Variants in SCUBE1 observed in about 807,000 individuals in gnomAD.
SCUBE1 encodes the protein signal peptide, CUB domain and EGF like domain containing 1.
A neutral mutation model predicts 124.4 loss-of-function variants in SCUBE1; 59 were observed. The observed-to-expected ratio is 0.47, with a 90% CI of 0.38 to 0.59. The LOEUF is 0.59. Among genes scored for constraint, SCUBE1 ranks in the 20% least tolerant of loss-of-function variants. The pLI is 0.00. For missense variants in SCUBE1, 1,150 were observed against 1,371.2 expected, an observed-to-expected ratio of 0.84 and a Z score of 2.55; for synonymous variants, 545 against 550.9, an observed-to-expected ratio of 0.99 and a Z score of 0.15.
At chr22:43,241,714 C>G (rs1923013826) in intron 6 of SCUBE1, among the ~76,000 whole-genome samples, 1 of 152,244 alleles carries the variant, frequency 6.6e-6, no homozygotes, top group Non-Finnish European at 1.5e-5. Context: ...AGCCCCTGCT[C>G]TTACTGTGGC....
chr22:43,287,848 G>A (rs1925204935), intron 4 of SCUBE1, among the ~76,000 whole-genome samples: 1 of 152,180 alleles, frequency 6.6e-6, no homozygotes, highest in Non-Finnish European at 1.5e-5. Flanking sequence ...GATTGCAGTT[G>A]ACACTAATGG....
chr22:43,221,392 T>A, intron 12 of SCUBE1, 103 bp from the exon 13 acceptor site: 1 of 555,098 alleles, frequency 1.8e-6, no homozygotes, highest in Admixed American at 2.6e-5. Flanking sequence ...GAGCTGGGGG[T>A]GGGGCTTGAT....
In SCUBE1 at chr22:43,291,092, G is replaced by A; in HGVS notation, c.438C>T (p.Gly146=). The change falls in exon 4 of 22, where the codon GGC becomes GGT. Residue 146 remains glycine (G), a synonymous_variant. Coordinates refer to ENST00000360835, the MANE Select transcript of SCUBE1 (RefSeq NM_173050.5). ...MGSYECQCHS[G]FFLSDNQHTC... ...TATGCTGGTTGTCACTAAGGAAGAA[G>A]CCACTGTGGCACTGACACTCGTAGC... The A allele has an allele frequency of 6.2e-7, 1 of 1,613,594 alleles. No individual in the cohort carries two copies. The highest frequency in any genetic ancestry group is 8.5e-7 in the Non-Finnish European group (1 of 1,179,694).
chr22:43,212,729 G>A lies in SCUBE1; in HGVS notation c.2054-137C>T, dbSNP rs975849513. The A allele has an allele frequency of 3.5e-5, 29 of 834,998 alleles. No homozygotes were observed. In the East Asian group the frequency reaches 4.7e-4, roughly 14 times the overall value. The allele number at this position is 834,998 out of a possible 1,614,324, so 51.7% of individuals were successfully genotyped here. ...GGCACCCGAGGCCTGGGGTGGGGAC[G>A]GGGTGGGGAAAACGCAGCAGCCGGG... On this transcript the variant is annotated intron_variant, in intron 16 of 21. Coordinates refer to ENST00000360835, the MANE Select transcript of SCUBE1 (RefSeq NM_173050.5).
chr22:43,324,935 C>G (rs1325721640), intron 2 of SCUBE1, among the ~76,000 whole-genome samples: 1 of 148,392 alleles, frequency 6.7e-6, no homozygotes, highest in Admixed American at 6.8e-5. Context: ...CAGATGTAAT[C>G]AAGTTCAGAT....
Position 43,211,074 on chromosome 22 carries a change from G to A in SCUBE1, c.2231C>T (p.Ser744Phe), listed in dbSNP as rs1921529727. The stretch of plus-strand genomic sequence containing the variant: ...GGTGGTGTTGTAGTGGTGGCCGGGG[G>A]AGCAGTGCACTGCCGGGGGACACAA... ...FQDCEAKVHC[S>F]PGHHYNTTTH... The change falls in exon 18 of 22, where the codon TCC becomes TTC. Residue 744 changes from serine to phenylalanine, a missense_variant. Around this residue, in one of 3 missense-constraint regions of SCUBE1, gnomAD observed 757 missense variants for 840.9 expected, o/e 0.90. Coordinates refer to ENST00000360835, the MANE Select transcript of SCUBE1 (RefSeq NM_173050.5). The surrounding 1 kb of genome is among the most constrained non-coding windows in gnomAD (Gnocchi z 4.5). 3.1e-6 allele frequency: 5 copies of A among 1,611,164 alleles called. No individual in the cohort carries two copies. Among genetic ancestry groups the A allele is most frequent in the African/African-American group, 2.7e-5 (2 of 74,906 alleles).
rs36095396 is a variant in SCUBE1 at position 43,211,750 on chromosome 22, C to T, written c.2222-667G>A. Among the ~76,000 whole-genome samples the T allele has an allele frequency of 0.076, 11,512 of 152,150 alleles. 798 individuals carry two copies. Among genetic ancestry groups the T allele is most frequent in the African/African-American group, 0.18 (7,280 of 41,442 alleles). On this transcript the variant is annotated intron_variant, in intron 17 of 21. Coordinates refer to ENST00000360835, the MANE Select transcript of SCUBE1 (RefSeq NM_173050.5). The surrounding 1 kb of genome is among the most constrained non-coding windows in gnomAD (Gnocchi z 4.5). ...TGCTAGCCGGGCTGGCCTCAAACTT[C>T]TGACCTCAGGTGATCCACCCCCTTT...
intron 4 of SCUBE1, among the ~76,000 whole-genome samples, chr22:43,268,799 G>A (rs1225700635): frequency 6.6e-6 from 1 of 152,224 alleles, no homozygotes; most frequent in Non-Finnish European, 1.5e-5. Context: ...AGCCAGAGGG[G>A]AGTTGTCAAT....
intron 4 of SCUBE1, chr22:43,276,033 G>C (rs945224649): frequency 1.3e-5 from 2 of 152,492 alleles, no homozygotes; most frequent in Admixed American, 6.5e-5. Context: ...TCGGACGTGG[G>C]ATCCGGTCAC....
At chr22:43,291,495 G>GTACA in intron 3 of SCUBE1, among the ~76,000 whole-genome samples, 1 of 151,764 alleles carries the variant, frequency 6.6e-6, no homozygotes, top group Non-Finnish European at 1.5e-5. Context: ...TGGTACAGTG[G>GTACA]GTCTCCATTT....
chr22:43,300,216 C>T (rs1017502453), intron 3 of SCUBE1, among the ~76,000 whole-genome samples: 2 of 151,972 alleles, frequency 1.3e-5, no homozygotes. Context: ...CCACGGGCGA[C>T]ACCGTTTTAC....
intron 4 of SCUBE1, among the ~76,000 whole-genome samples, chr22:43,276,928 T>C (rs1021507999): frequency 3.3e-5 from 5 of 152,194 alleles, no homozygotes; most frequent in Non-Finnish European, 5.9e-5. Context: ...CGCCTCAGCT[T>C]TTCCTGACTG....
chr22:43,250,977 C>G (rs1923423109), intron 6 of SCUBE1, among the ~76,000 whole-genome samples: 1 of 152,262 alleles, frequency 6.6e-6, no homozygotes. Flanking sequence ...GCTTTGCTCA[C>G]TGGCTATGTG....
rs1185457292 is a variant in SCUBE1 at position 43,201,451 on chromosome 22, G to GC, written c.*2545dup. On this transcript the variant is annotated 3_prime_UTR_variant, in exon 22 of 22. Coordinates refer to ENST00000360835, the MANE Select transcript of SCUBE1 (RefSeq NM_173050.5). ...GATACCCAGCTAGCTGGGAAAACAT[G>GC]CTAGGGTGTTTCCAGAAGAGGTTAG... 6.6e-6 allele frequency: 1 copy of GC among 152,152 alleles called. No individual in the cohort carries two copies. The highest frequency in any genetic ancestry group is 1.5e-5 in the Non-Finnish European group (1 of 68,062). The allele number at this position is 152,152 out of a possible 1,614,324, so 9.4% of individuals were successfully genotyped here. A position where few individuals can be genotyped will look rare whatever the true frequency, so the allele number is the denominator to read the frequency against.
chr22:43,227,645 A>G lies in SCUBE1; in HGVS notation c.1085-149T>C, dbSNP rs61446130. ...GATGCAGATGAGCAGTGCACACGCC[A>G]CACGCACACACACGCGTGGGTTTAT... On this transcript the variant is annotated intron_variant, in intron 9 of 21. Transcript: ENST00000360835. 2.5e-4 allele frequency: 230 copies of G among 911,234 alleles called. No homozygotes were observed. The African/African-American group carries it at 3.6e-3, about 14-fold the overall frequency. 56.4% of individuals were successfully genotyped at this position (911,234 alleles called of 1,614,324 possible). A position where few individuals can be genotyped will look rare whatever the true frequency, so the allele number is the denominator to read the frequency against.
rs370122689 is a variant in SCUBE1 at position 43,223,196 on chromosome 22, G to A, written c.1228C>T (p.Arg410Cys). 12 of 1,571,660 alleles carry A rather than the reference G, an allele frequency of 7.6e-6. No individual in the cohort carries two copies. Among genetic ancestry groups the A allele is most frequent in the African/African-American group, 4.2e-5 (3 of 72,082 alleles). Reference sequence around the variant, plus strand: ...TGGGCCCGGGGGGAGGTCTTGGCGCGAGAAAGACACTTGCCTGTCTCTATG... The same window carrying A: ...TGGGCCCGGGGGGAGGTCTTGGCGCAAGAAAGACACTTGCCTGTCTCTATG... Reference protein sequence around the residue: ...DCVETGKCLSRAKTSPRAQLS... With the variant: ...DCVETGKCLSCAKTSPRAQLS... Residue 410 changes from arginine (R) to cysteine (C), a missense_variant, in exon 11 of 22, where the codon CGC becomes TGC. This residue lies in a region of SCUBE1 where 757 missense variants were observed against 840.9 expected (regional missense o/e 0.90). Transcript: ENST00000360835.
intron 6 of SCUBE1, among the ~76,000 whole-genome samples, chr22:43,241,923 G>A (rs1923021152): frequency 6.6e-6 from 1 of 152,256 alleles, no homozygotes; most frequent in Non-Finnish European, 1.5e-5. Flanking sequence ...GTCTGGCCTT[G>A]GGCCCGCCCT....
At chr22:43,205,684 CTCA>C in intron 21 of SCUBE1, among the ~76,000 whole-genome samples, 6 of 129,698 alleles carry the variant, frequency 4.6e-5, no homozygotes, top group East Asian at 2.2e-4. Context: ...TCACCACTCA[CTCA>C]CCCCCACACA....
intron 2 of SCUBE1, among the ~76,000 whole-genome samples, chr22:43,321,321 C>T (rs1272034037): frequency 6.6e-6 from 1 of 152,328 alleles, no homozygotes; most frequent in East Asian, 1.9e-4. Context: ...CGCAGGGAGA[C>T]ACGGAACTCC....
Sources: allele counts gnomAD v4.1 joint callset (sites outside exome capture counted in the v4.1 genomes callset), GRCh38; gene constraint gnomAD v4.1.1; regional missense constraint gnomAD v4.1.1; non-coding constraint Gnocchi (gnomAD v3.1); transcripts MANE v1.5; gene names NCBI Gene and HGNC (gene_info 2026-07-23, HGNC 2026-07-21).